Variants in SGCZ observed in about 807,000 individuals in gnomAD.
SGCZ encodes the protein zeta-sarcoglycan.
A neutral mutation model predicts 41.3 loss-of-function variants in SGCZ; 40 were observed. The observed-to-expected ratio is 0.97, with a 90% CI of 0.75 to 1.26. SGCZ has a LOEUF of 1.26. Ranked by LOEUF, SGCZ falls within the 50% of genes most tolerant of loss-of-function variation. The pLI is 0.00. For missense variants in SGCZ, 552 were observed against 369.8 expected (o/e 1.49, Z -4.04); for synonymous variants, 206 against 137.5 (o/e 1.50, Z -3.49).
At chr8:14,854,354 G>A (rs557048988) in intron 1 of SGCZ, among the ~76,000 whole-genome samples, 2 of 151,702 alleles carry the variant, frequency 1.3e-5, no homozygotes, top group East Asian at 3.9e-4. Flanking sequence ...ATAATACATA[G>A]ACATATCAAA....
At chr8:15,053,915 C>G (rs535943450) in intron 1 of SGCZ, among the ~76,000 whole-genome samples, 2 of 152,236 alleles carry the variant, frequency 1.3e-5, no homozygotes, top group African/African-American at 4.8e-5. Context: ...CCAAAATCCC[C>G]CATTCTTAAA....
chr8:14,800,313 T>C (rs965267545), intron 1 of SGCZ, among the ~76,000 whole-genome samples: 8 of 152,210 alleles, frequency 5.3e-5, no homozygotes, highest in African/African-American at 1.9e-4. Flanking sequence ...ATTTTTTTAA[T>C]ACTTAACCTG....
intron 1 of SGCZ, among the ~76,000 whole-genome samples, chr8:14,874,391 C>T (rs984952387): frequency 3.9e-5 from 6 of 152,018 alleles, no homozygotes; most frequent in South Asian, 2.1e-4. Context: ...TCTACAAGCA[C>T]AACTTTGTAG....
intron 5 of SGCZ, among the ~76,000 whole-genome samples, chr8:14,113,996 C>T (rs12546153): frequency 0.97 from 147,830 of 152,102 alleles, 71,954 homozygotes; most frequent in East Asian, 1. Context: ...GTTCTTGCCG[C>T]TTGCTTCTCC....
intron 1 of SGCZ, among the ~76,000 whole-genome samples, chr8:15,150,320 A>G (rs1799142733): frequency 6.6e-6 from 1 of 152,262 alleles, no homozygotes; most frequent in South Asian, 2.1e-4. Context: ...TATATAAAAT[A>G]AAAAGTTTCA....
At chr8:15,086,402 G>A (rs1324006531) in intron 1 of SGCZ, among the ~76,000 whole-genome samples, 5 of 152,112 alleles carry the variant, frequency 3.3e-5, no homozygotes, top group African/African-American at 1.2e-4. Context: ...AACATGGAAA[G>A]TATGTTTTTT....
chr8:14,433,549 G>C (rs1036230710), intron 2 of SGCZ, among the ~76,000 whole-genome samples: 2 of 152,058 alleles, frequency 1.3e-5, no homozygotes, highest in Admixed American at 6.6e-5. Context: ...AAAATGAGTT[G>C]ACCAAGGCCC....
intron 1 of SGCZ, among the ~76,000 whole-genome samples, chr8:14,773,771 G>A (rs565564746): frequency 1.3e-5 from 2 of 152,276 alleles, no homozygotes; most frequent in African/African-American, 4.8e-5. Flanking sequence ...AGTCAGCAGA[G>A]ACTCTTAACC....
chr8:14,844,111 A>G (rs1310278040), intron 1 of SGCZ, among the ~76,000 whole-genome samples: 2 of 152,158 alleles, frequency 1.3e-5, no homozygotes, highest in Non-Finnish European at 2.9e-5. Flanking sequence ...CAGGACCTCC[A>G]TGTATACTGT....
intron 1 of SGCZ, among the ~76,000 whole-genome samples, chr8:15,088,277 C>G (rs574287599): frequency 1.3e-5 from 2 of 152,286 alleles, no homozygotes; most frequent in African/African-American, 4.8e-5. Context: ...GCTCTTTCAT[C>G]TATGACATAA....
At chr8:15,132,581 G>C (rs1187487990) in intron 1 of SGCZ, among the ~76,000 whole-genome samples, 1 of 152,108 alleles carries the variant, frequency 6.6e-6, no homozygotes, top group African/African-American at 2.4e-5. Context: ...AGTACTGTGG[G>C]TTTCTTGACT....
chr8:14,999,738 G>C (rs976613256), intron 1 of SGCZ, among the ~76,000 whole-genome samples: 1 of 152,156 alleles, frequency 6.6e-6, no homozygotes, highest in African/African-American at 2.4e-5. Flanking sequence ...CAGGCAGTCT[G>C]AGTCAATTCA....
At chr8:14,832,249 G>A (rs903845784) in intron 1 of SGCZ, among the ~76,000 whole-genome samples, 16 of 152,018 alleles carry the variant, frequency 1.1e-4, no homozygotes, top group African/African-American at 3.9e-4. Flanking sequence ...TATGATATAT[G>A]GATAACTATC....
intron 5 of SGCZ, among the ~76,000 whole-genome samples, chr8:14,141,226 G>T (rs185762776): frequency 1.3e-5 from 2 of 151,198 alleles, no homozygotes; most frequent in East Asian, 3.9e-4. Context: ...ACCCTAGAAG[G>T]AAACCTATAC....
chr8:14,676,462 T>A (rs1258522783), intron 1 of SGCZ, among the ~76,000 whole-genome samples: 2 of 152,114 alleles, frequency 1.3e-5, no homozygotes, highest in African/African-American at 4.8e-5. Flanking sequence ...GAGGCTGTGA[T>A]GAGGTATGAT....
intron 1 of SGCZ, among the ~76,000 whole-genome samples, chr8:14,956,748 A>G (rs1338971288): frequency 3.3e-5 from 5 of 152,218 alleles, no homozygotes; most frequent in African/African-American, 1.2e-4. Context: ...TGTTGTTTGT[A>G]AAATATTTTT....
chr8:14,405,296 T>A (rs1002871526), intron 2 of SGCZ, among the ~76,000 whole-genome samples: 1 of 152,224 alleles, frequency 6.6e-6, no homozygotes, highest in African/African-American at 2.4e-5. Flanking sequence ...TTATATGTTA[T>A]TTTGCTATTT....
At chr8:14,877,502 T>G (rs1804409844) in intron 1 of SGCZ, among the ~76,000 whole-genome samples, 1 of 152,194 alleles carries the variant, frequency 6.6e-6, no homozygotes, top group East Asian at 1.9e-4. Context: ...GGCAGGCATT[T>G]GATTTGTATT....
chr8:14,408,778 G>A (rs941530787), intron 2 of SGCZ, among the ~76,000 whole-genome samples: 2 of 151,928 alleles, frequency 1.3e-5, no homozygotes, highest in Non-Finnish European at 2.9e-5. Context: ...ATAGAATTTA[G>A]GGTATTCATA....
Sources: gnomAD v4.1 joint callset for allele counts (sites outside exome capture counted in the v4.1 genomes callset) on GRCh38, gnomAD v4.1.1 for gene constraint, MANE v1.5 for transcripts, NCBI Gene and HGNC (gene_info 2026-07-23, HGNC 2026-07-21) for gene names.